Variants in SH3YL1 observed in about 807,000 individuals in gnomAD.
SH3YL1 encodes the protein SH3 domain-containing YSC84-like protein 1.
Under a neutral mutation model 45.8 loss-of-function variants are expected in SH3YL1, and 41 were observed. That is an observed-to-expected ratio of 0.89 (90% CI 0.70 to 1.16). The LOEUF is 1.16. SH3YL1 is among the 50% of genes most tolerant of loss of function. SH3YL1 has a pLI of 0.00. For synonymous variants in SH3YL1, 152 were observed against 151.4 expected, an observed-to-expected ratio of 1.00 and a Z score of -0.03; for missense variants, 389 against 409.6, an observed-to-expected ratio of 0.95 and a Z score of 0.43.
chr2:237,432 A>G (rs1324628441), intron 4 of SH3YL1, among the ~76,000 whole-genome samples: 1 of 152,142 alleles, frequency 6.6e-6, no homozygotes, highest in East Asian at 1.9e-4. Context: ...CCCTCAGTTT[A>G]TTTCCACAGC....
At chr2:264,283 A>G, upstream of SH3YL1, 1 of 372,410 alleles carries the variant, frequency 2.7e-6, no homozygotes, top group Non-Finnish European at 4.8e-6. Context: ...GGGAGCGCCC[A>G]GGCCCAAGGC....
At chr2:261,783 C>T (rs999563765) in intron 1 of SH3YL1, among the ~76,000 whole-genome samples, 2 of 152,116 alleles carry the variant, frequency 1.3e-5, no homozygotes, top group African/African-American at 4.8e-5. Context: ...ACCCAAGGGC[C>T]CCTCTCCACC....
rs1669702800 is a variant in SH3YL1 at position 263,650 on chromosome 2, CAG to C, written c.1+332_1+333del. Reference sequence around the variant, plus strand: ...AAGCGCGCGCATTCGACCCAAACTTCAGAGACGCTTCTGTGGAACGGAAGGAT... The same window carrying C: ...AAGCGCGCGCATTCGACCCAAACTTCAGACGCTTCTGTGGAACGGAAGGAT... On this transcript the variant is annotated intron_variant, in intron 1 of 9. Coordinates refer to ENST00000356150, the MANE Select transcript of SH3YL1 (RefSeq NM_015677.4). The C allele has an allele frequency of 2.6e-5, 8 of 307,608 alleles. No homozygotes were observed. In the South Asian group the frequency reaches 5.0e-4, roughly 19 times the overall value. The allele number at this position is 307,608 out of a possible 1,614,324, so 19.1% of individuals were successfully genotyped here.
In SH3YL1 at chr2:233,111, T is replaced by C. The variant is rs760335547; in HGVS notation, c.523A>G (p.Thr175Ala). Residue 175 changes from threonine (T) to alanine (A), a missense_variant, in exon 6 of 10, where the codon ACT becomes GCT. Thr to Ala is a moderately conservative substitution (Grantham distance 58). Transcript: ENST00000356150. Reference protein sequence around the residue: ...EGSCLIERKETNRKFYCQDIR... With the variant: ...EGSCLIERKEANRKFYCQDIR... ...TTAACTTGAACTGACTTTCTATTAG[T>C]TTCTTTCCTTTCAATCAAACAGCTC... 1.2e-5 allele frequency: 19 copies of C among 1,575,174 alleles called. No homozygotes were observed. Among genetic ancestry groups the C allele is most frequent in the Non-Finnish European group, 1.6e-5 (18 of 1,160,052 alleles).
intron 9 of SH3YL1, among the ~76,000 whole-genome samples, chr2:223,779 C>T (rs1320825885): frequency 6.6e-6 from 1 of 152,182 alleles, no homozygotes; most frequent in Non-Finnish European, 1.5e-5. Context: ...ACAGCATCTT[C>T]TGTAGGTGAG....
At chr2:252,889 G>A in intron 2 of SH3YL1, 116 bp downstream of exon 2, 1 of 635,666 alleles carries the variant, frequency 1.6e-6, no homozygotes, top group South Asian at 2.1e-5. Flanking sequence ...AAAGGTGGCT[G>A]AACTACTTGT....
intron 1 of SH3YL1, among the ~76,000 whole-genome samples, chr2:261,645 G>A (rs1287295463): frequency 6.6e-6 from 1 of 152,154 alleles, no homozygotes; most frequent in Non-Finnish European, 1.5e-5. Context: ...TAAACTCAAT[G>A]CTAGAGTCAC....
intron 1 of SH3YL1, among the ~76,000 whole-genome samples, chr2:259,010 T>C (rs968711680): frequency 2.0e-5 from 3 of 152,204 alleles, no homozygotes; most frequent in Admixed American, 1.3e-4. Flanking sequence ...TTCTGCCTCT[T>C]CTTTTAAGCA....
In SH3YL1 at chr2:230,106, A is replaced by G. The variant is rs1283435862; in HGVS notation, c.703-62T>C. 1.1e-5 allele frequency: 14 copies of G among 1,315,926 alleles called. No homozygotes were observed. The East Asian group carries it at 2.4e-4, about 22-fold the overall frequency. 81.5% of individuals were successfully genotyped at this position (1,315,926 alleles called of 1,614,324 possible). On this transcript the variant is annotated intron_variant, in intron 7 of 9. Coordinates refer to ENST00000356150, the MANE Select transcript of SH3YL1 (RefSeq NM_015677.4). The stretch of plus-strand genomic sequence containing the variant: ...AAATCTTGTTTTTACTTAGGCACAT[A>G]TAACTCTTTTCTAATGAGGTTATGT...
At chr2:223,605 T>G (rs1439036007) in intron 9 of SH3YL1, among the ~76,000 whole-genome samples, 1 of 152,232 alleles carries the variant, frequency 6.6e-6, no homozygotes, top group Admixed American at 6.5e-5. Context: ...CTACAGGATG[T>G]GTATCCAAAG....
At chr2:236,989 T>C (rs1477770914) in intron 4 of SH3YL1, among the ~76,000 whole-genome samples, 4 of 152,228 alleles carry the variant, frequency 2.6e-5, no homozygotes, top group Non-Finnish European at 5.9e-5. Context: ...ATTTTACATA[T>C]AGACAATTTC....
At chr2:221,886 T>G (rs1354163340) in intron 9 of SH3YL1, among the ~76,000 whole-genome samples, 1 of 152,228 alleles carries the variant, frequency 6.6e-6, no homozygotes, top group African/African-American at 2.4e-5. Context: ...TTAGTTTTTT[T>G]CTTTGAAAAA....
chr2:236,357 T>C (rs1298608018), intron 4 of SH3YL1, among the ~76,000 whole-genome samples: 1 of 152,094 alleles, frequency 6.6e-6, no homozygotes, highest in Non-Finnish European at 1.5e-5. Flanking sequence ...TAACCAGTCT[T>C]TGTGTCTCTG....
upstream of SH3YL1, chr2:264,768 G>T: frequency 1.8e-6 from 1 of 568,684 alleles, no homozygotes. Flanking sequence ...GACCCTCCCC[G>T]CCCGTCCTAC....
At chr2:257,005 A>G (rs751246992) in intron 1 of SH3YL1, among the ~76,000 whole-genome samples, 16 of 152,264 alleles carry the variant, frequency 1.1e-4, no homozygotes, top group East Asian at 5.8e-4. Context: ...TCCTATTTCT[A>G]TATCTTGTAA....
chr2:232,256 C>T (rs1230830917), intron 6 of SH3YL1, among the ~76,000 whole-genome samples: 2 of 148,516 alleles, frequency 1.3e-5, no homozygotes, highest in African/African-American at 2.5e-5. Flanking sequence ...TTTTTTAAAT[C>T]AAACTGTATT....
At chr2:248,549 G>C (rs945269104) in intron 3 of SH3YL1, among the ~76,000 whole-genome samples, 5 of 152,174 alleles carry the variant, frequency 3.3e-5, no homozygotes, top group Non-Finnish European at 7.3e-5. Context: ...AGCAGCTGCA[G>C]CTCAGGAAGA....
Position 257,198 on chromosome 2 carries a change from G to C in SH3YL1, c.2-4083C>G, listed in dbSNP as rs186252351. 5.4e-3 allele frequency among the ~76,000 whole-genome samples: 822 copies of C among 152,168 alleles called. 3 individuals are homozygous for C. Among genetic ancestry groups the C allele is most frequent in the Non-Finnish European group, 9.7e-3 (657 of 68,002 alleles). ...TATTCTGTAGGTTGTTTTCTCTGTT[G>C]ATAGTTTCTTTTGCTGTTCAGAAGC... On this transcript the variant is annotated intron_variant, in intron 1 of 9. Transcript: ENST00000356150.
At chr2:249,486 A>G (rs1252634418) in intron 3 of SH3YL1, among the ~76,000 whole-genome samples, 1 of 152,254 alleles carries the variant, frequency 6.6e-6, no homozygotes, top group African/African-American at 2.4e-5. Flanking sequence ...AAATGCATGC[A>G]AAACAAAGTT....
Sources: gnomAD v4.1 joint callset for allele counts (sites outside exome capture counted in the v4.1 genomes callset) on GRCh38, gnomAD v4.1.1 for gene constraint, MANE v1.5 for transcripts, NCBI Gene and HGNC (gene_info 2026-07-23, HGNC 2026-07-21) for gene names.